ARB2A: variants seen among roughly 807,000 people sequenced by gnomAD.
The protein encoded by ARB2A is ARB2 cotranscriptional regulator A.
chr5:93,855,758 C>G, the ARB2A span, among the ~76,000 whole-genome samples: 1 of 152,122 alleles, frequency 6.6e-6, no homozygotes, highest in African/African-American at 2.4e-5. Context: ...GTTGAAAATT[C>G]TTTTCTTTAA....
At chr5:94,040,411 T>G in the ARB2A span, among the ~76,000 whole-genome samples, 1 of 151,970 alleles carries the variant, frequency 6.6e-6, no homozygotes, top group South Asian at 2.1e-4. Context: ...CGTGCAGGTT[T>G]GTTACATATG....
At chr5:93,807,473 A>G in the ARB2A span, among the ~76,000 whole-genome samples, 1 of 151,992 alleles carries the variant, frequency 6.6e-6, no homozygotes, top group African/African-American at 2.4e-5. Context: ...GCACCAGGAA[A>G]ATCATCCTGG....
the ARB2A span, among the ~76,000 whole-genome samples, chr5:94,044,615 A>G: frequency 1.3e-5 from 2 of 152,138 alleles, no homozygotes; most frequent in African/African-American, 4.8e-5. Context: ...CCGTCTTGAA[A>G]AGGAGCTGGG....
the ARB2A span, among the ~76,000 whole-genome samples, chr5:94,025,203 A>C: frequency 6.6e-6 from 1 of 152,216 alleles, no homozygotes; most frequent in Non-Finnish European, 1.5e-5. Flanking sequence ...TACCAGGTAC[A>C]CAGGGTAGCT....
At chr5:93,957,087 A>T in the ARB2A span, among the ~76,000 whole-genome samples, 1 of 152,168 alleles carries the variant, frequency 6.6e-6, no homozygotes, top group South Asian at 2.1e-4. Flanking sequence ...ATTCCTACTT[A>T]TAAGAACAAA....
At chr5:93,879,836 T>G in the ARB2A span, among the ~76,000 whole-genome samples, 1 of 151,936 alleles carries the variant, frequency 6.6e-6, no homozygotes, top group Non-Finnish European at 1.5e-5. Context: ...ATCATTTTGT[T>G]TGCATTTTAC....
At chr5:93,963,717 T>G in the ARB2A span, among the ~76,000 whole-genome samples, 1 of 152,046 alleles carries the variant, frequency 6.6e-6, no homozygotes, top group Admixed American at 6.6e-5. Flanking sequence ...TCTCCCAGAT[T>G]CTTATATATC....
chr5:93,877,481 T>C, the ARB2A span, among the ~76,000 whole-genome samples: 1 of 152,118 alleles, frequency 6.6e-6, no homozygotes. Flanking sequence ...GACTCCCTCA[T>C]AATATGCTCT....
chr5:93,816,802 G>C, the ARB2A span, among the ~76,000 whole-genome samples: 22 of 151,990 alleles, frequency 1.4e-4, no homozygotes, highest in Non-Finnish European at 2.5e-4. Context: ...GGTTCTTAAG[G>C]GAAATAACCT....
the ARB2A span, chr5:93,861,057 A>G: frequency 6.6e-6 from 1 of 152,168 alleles, no homozygotes; most frequent in South Asian, 2.1e-4. Flanking sequence ...TTTGGTTTCA[A>G]GATGTATAAG....
At chr5:93,814,725 T>C in the ARB2A span, among the ~76,000 whole-genome samples, 42 of 152,358 alleles carry the variant, frequency 2.8e-4, no homozygotes, top group South Asian at 8.7e-3. Flanking sequence ...TCCCCAGTAC[T>C]TGTATGGAGT....
the ARB2A span, among the ~76,000 whole-genome samples, chr5:93,826,652 T>A: frequency 1.6e-4 from 25 of 152,166 alleles, no homozygotes; most frequent in African/African-American, 5.8e-4. Flanking sequence ...TGTGCAGGTT[T>A]GTTACATATG....
At chr5:93,768,543 G>A in the ARB2A span, among the ~76,000 whole-genome samples, 10 of 150,290 alleles carry the variant, frequency 6.7e-5, no homozygotes, top group African/African-American at 1.5e-4. Context: ...TATATATAGC[G>A]TATACATTTA....
At chr5:93,831,795 CCA>C in the ARB2A span, among the ~76,000 whole-genome samples, 38 of 152,262 alleles carry the variant, frequency 2.5e-4, 1 homozygote, top group African/African-American at 8.9e-4. Flanking sequence ...GTCTTTTCCT[CCA>C]CAGTCGATGG....
chr5:93,815,258 C>A, the ARB2A span, among the ~76,000 whole-genome samples: 78 of 152,196 alleles, frequency 5.1e-4, no homozygotes, highest in African/African-American at 1.8e-3. Context: ...GAAGTGAGAA[C>A]AATTGATATA....
At chr5:93,768,509 G>GTATA in the ARB2A span, among the ~76,000 whole-genome samples, 1 of 149,710 alleles carries the variant, frequency 6.7e-6, no homozygotes, top group African/African-American at 2.5e-5. Flanking sequence ...TATATATAGT[G>GTATA]TATATACATA....
At chr5:93,711,239 C>T in the ARB2A span, among the ~76,000 whole-genome samples, 1 of 149,924 alleles carries the variant, frequency 6.7e-6, no homozygotes, top group Non-Finnish European at 1.5e-5. Flanking sequence ...ATATCTCCCC[C>T]CACCCCATTT....
the ARB2A span, among the ~76,000 whole-genome samples, chr5:93,834,268 A>G: frequency 6.6e-6 from 1 of 152,234 alleles, no homozygotes; most frequent in Non-Finnish European, 1.5e-5. Context: ...GTGTGAGACC[A>G]TAAGTATTGT....
chr5:94,109,834 C>CCTCTATCAT, the ARB2A span, among the ~76,000 whole-genome samples: 1 of 151,522 alleles, frequency 6.6e-6, no homozygotes, highest in South Asian at 2.1e-4. Context: ...AAAATAGCAT[C>CCTCTATCAT]CTCTATCATT....
Sources: gnomAD v4.1 joint callset for allele counts (sites outside exome capture counted in the v4.1 genomes callset) on GRCh38, gnomAD v4.1.1 for gene constraint, MANE v1.5 for transcripts, NCBI Gene and HGNC (gene_info 2026-07-23, HGNC 2026-07-21) for gene names.